The following TFDP2 variants were observed in gnomAD, a reference collection of about 807,000 sequenced individuals.
The protein encoded by TFDP2 is transcription factor Dp-2.
A neutral mutation model predicts 59.3 loss-of-function variants in TFDP2; 17 were observed. That is an observed-to-expected ratio of 0.29 (90% confidence interval 0.20 to 0.43). The LOEUF (loss-of-function observed/expected upper bound fraction) is 0.43, where lower values mean the gene tolerates loss of function less well. TFDP2 is among the 20% of genes least tolerant of loss of function. The probability of loss-of-function intolerance (pLI) is 1.00; values close to 1 mark genes in which losing one functional copy is unlikely to be tolerated. For synonymous variants in TFDP2, 180 were observed against 194.7 expected (o/e 0.92, Z 0.63); for missense variants, 391 against 528.8 (o/e 0.74, Z 2.56).
At chr3:142,000,346 G>A in intron 4 of TFDP2, 2 of 702,328 alleles carry the variant, frequency 2.8e-6, no homozygotes, top group South Asian at 1.5e-5. Flanking sequence ...GATGCCTTCT[G>A]GTTGCATCCT....
At chr3:141,974,965 G>A (rs1463590901) in intron 7 of TFDP2, among the ~76,000 whole-genome samples, 1 of 138,480 alleles carries the variant, frequency 7.2e-6, no homozygotes. Context: ...CCACACTGGA[G>A]TGCAGTGGCG....
intron 3 of TFDP2, among the ~76,000 whole-genome samples, chr3:142,069,164 T>C (rs528583145): frequency 6.6e-4 from 101 of 152,286 alleles, no homozygotes; most frequent in African/African-American, 2.3e-3. Context: ...TCCACCCGAC[T>C]TGACCTCCGA....
At position 141,978,555 on chromosome 3, in the gene TFDP2, A is replaced by G. The variant is rs772792142; in HGVS notation, c.484T>C (p.Phe162Leu). The G allele has an allele frequency of 1.9e-6, 3 of 1,611,904 alleles. No homozygotes were observed. The highest frequency in any genetic ancestry group is 2.5e-6 in the Non-Finnish European group (3 of 1,179,474). ...GCCAAATGGTTATTTGAATTGGTGA[A>G]CTCTGACACCAGCTCATCAGCGACT... ...NEVADELVSEFTNSNNHLAAD... is the reference protein window; with the variant it reads ...NEVADELVSELTNSNNHLAAD... Residue 162 changes from phenylalanine to leucine, a missense_variant, in exon 7 of 13, where the codon TTC (phenylalanine) becomes CTC (leucine). By Grantham distance (22) the Phe-to-Leu change is conservative. This residue lies in a region of TFDP2 where 162 missense variants were observed against 206.8 expected (regional missense o/e 0.78). Transcript: ENST00000489671.
chr3:142,094,668 T>A (rs1278202170), intron 2 of TFDP2, among the ~76,000 whole-genome samples: 4 of 152,184 alleles, frequency 2.6e-5, no homozygotes, highest in Non-Finnish European at 4.4e-5. Context: ...TACTGAGATA[T>A]CATTGATATA....
intron 1 of TFDP2, among the ~76,000 whole-genome samples, chr3:142,105,737 C>T (rs1478188757): frequency 1.3e-5 from 2 of 152,140 alleles, no homozygotes; most frequent in African/African-American, 4.8e-5. Flanking sequence ...CTTTGACTCT[C>T]CACACCAGAG....
intron 1 of TFDP2, among the ~76,000 whole-genome samples, chr3:142,112,686 T>C (rs1271169161): frequency 6.6e-6 from 1 of 152,084 alleles, no homozygotes; most frequent in African/African-American, 2.4e-5. Context: ...CCCTGGCAAA[T>C]TGATTTTTTT....
At chr3:142,111,157 G>A (rs373214171) in intron 1 of TFDP2, among the ~76,000 whole-genome samples, 4 of 151,546 alleles carry the variant, frequency 2.6e-5, no homozygotes, top group South Asian at 2.1e-4. Context: ...GGCTGGGTGC[G>A]GTGGCTCACG....
At chr3:142,143,046 G>C (rs1480146118) in intron 1 of TFDP2, among the ~76,000 whole-genome samples, 1 of 152,154 alleles carries the variant, frequency 6.6e-6, no homozygotes, top group Non-Finnish European at 1.5e-5. Context: ...GACCAGTCTG[G>C]CCAACATGGT....
intron 3 of TFDP2, among the ~76,000 whole-genome samples, chr3:142,025,573 C>CT (rs1168351565): frequency 6.6e-6 from 1 of 151,966 alleles, no homozygotes; most frequent in Non-Finnish European, 1.5e-5. Context: ...GAGTGACCAA[C>CT]TTTTTTTTAA....
chr3:142,078,602 CA>C (rs2060540794), intron 3 of TFDP2, among the ~76,000 whole-genome samples: 1 of 152,182 alleles, frequency 6.6e-6, no homozygotes, highest in Non-Finnish European at 1.5e-5. Flanking sequence ...AATGCAGATA[CA>C]GCTGCCATGA....
intron 3 of TFDP2, chr3:142,044,207 C>T (rs1416173581): frequency 2.9e-5 from 8 of 273,300 alleles, no homozygotes; most frequent in Admixed American, 1.2e-4. Context: ...ATGGCTGCGG[C>T]GGCGGCAGCA....
At chr3:141,991,064 C>A (rs1942711775) in intron 6 of TFDP2, among the ~76,000 whole-genome samples, 1 of 151,984 alleles carries the variant, frequency 6.6e-6, no homozygotes, top group Admixed American at 6.5e-5. Flanking sequence ...TCTCAAAAAA[C>A]AAACAAACAA....
rs1935683447 is a variant in TFDP2, at chr3:141,949,517, C to G, written c.*2996G>C. The G allele has an allele frequency of 6.6e-6, 1 of 152,448 alleles. No homozygotes were observed. Among genetic ancestry groups the G allele is most frequent in the African/African-American group, 2.4e-5 (1 of 41,454 alleles). The allele number at this position is 152,448 out of a possible 1,614,324, so 9.4% of individuals were successfully genotyped here. A position where few individuals can be genotyped will look rare whatever the true frequency, so the allele number is the denominator to read the frequency against. On this transcript the variant is annotated 3_prime_UTR_variant, in exon 13 of 13. Transcript: ENST00000489671. ...AAGAGGAAGGCAGCCTAGTAGGCAC[C>G]TGGGGCCCGTAAGCGCTGCTGTGTG...
chr3:142,051,260 C>T (rs1484711794), intron 3 of TFDP2, among the ~76,000 whole-genome samples: 1 of 152,174 alleles, frequency 6.6e-6, no homozygotes, highest in Admixed American at 6.5e-5. Context: ...TGTCTCCAGG[C>T]CTGGCGCGGT....
intron 6 of TFDP2, among the ~76,000 whole-genome samples, chr3:141,982,949 T>C (rs992887552): frequency 6.6e-5 from 10 of 152,206 alleles, no homozygotes; most frequent in Admixed American, 2.0e-4. Context: ...ATCTGAAAAA[T>C]GCAGAATACA....
chr3:142,077,305 C>G (rs1457467639), intron 3 of TFDP2, among the ~76,000 whole-genome samples: 1 of 152,106 alleles, frequency 6.6e-6, no homozygotes, highest in Non-Finnish European at 1.5e-5. Flanking sequence ...GGGCTCAGAG[C>G]CAGTGGACAT....
chr3:141,960,934 T>G (rs889375737), intron 10 of TFDP2, among the ~76,000 whole-genome samples: 4 of 152,098 alleles, frequency 2.6e-5, no homozygotes, highest in African/African-American at 9.7e-5. Context: ...TTGTACAAGC[T>G]ACTCAGAGCC....
At chr3:142,040,827 C>T (rs1461630500) in intron 3 of TFDP2, among the ~76,000 whole-genome samples, 31 of 151,954 alleles carry the variant, frequency 2.0e-4, no homozygotes, top group Admixed American at 1.8e-3. Context: ...TCACTTGAGC[C>T]CAGGAGTTTG....
intron 3 of TFDP2, among the ~76,000 whole-genome samples, chr3:142,013,054 T>C (rs1944845369): frequency 6.6e-6 from 1 of 152,066 alleles, no homozygotes; most frequent in Non-Finnish European, 1.5e-5. Flanking sequence ...GGAGAATCAC[T>C]TGAACCCGGG....
Sources: allele counts gnomAD v4.1 joint callset (sites outside exome capture counted in the v4.1 genomes callset), GRCh38; gene constraint gnomAD v4.1.1; regional missense constraint gnomAD v4.1.1; transcripts MANE v1.5; gene names NCBI Gene and HGNC (gene_info 2026-07-23, HGNC 2026-07-21).